The following GCNT1 variants were observed in gnomAD, a reference collection of about 807,000 sequenced individuals.
GCNT1 encodes glucosaminyl (N-acetyl) transferase 1, also known as beta-1,3-galactosyl-O-glycosyl-glycoprotein beta-1,6-N-acetylglucosaminyltransferase.
Under a neutral mutation model 26.2 loss-of-function variants are expected in GCNT1, and 16 were observed. That is an observed-to-expected ratio of 0.61 (90% CI 0.41 to 0.93). The LOEUF (loss-of-function observed/expected upper bound fraction) is 0.93. Ranked by LOEUF, GCNT1 falls within the 40% of genes least tolerant of loss-of-function variation. The pLI is 0.00. For synonymous variants in GCNT1, 183 were observed against 190.8 expected (o/e 0.96, Z 0.34); for missense variants, 477 against 526.7 (o/e 0.91, Z 0.92).
In GCNT1 at chr9:76,482,811, A is replaced by ATTT. The variant is rs56267257; in HGVS notation, c.-289-18088_-289-18086dup. On this transcript the variant is annotated intron_variant, in intron 2 of 3. Coordinates refer to ENST00000376730, the MANE Select transcript of GCNT1 (RefSeq NM_001490.5). The stretch of plus-strand genomic sequence containing the variant: ...AGGCATGCGCCACCACACCGGGCTA[A>ATTT]TTTTTTTTTTTTTTTTTTTGGTAGA... 1.7e-3 allele frequency among the ~76,000 whole-genome samples: 196 copies of ATTT among 115,856 alleles called. 2 individuals are homozygous for ATTT. Among genetic ancestry groups the ATTT allele is most frequent in the South Asian group, 2.1e-3 (7 of 3,344 alleles). The allele number at this position is 115,856 out of a possible 152,430, so 76.0% of individuals were successfully genotyped here.
intron 1 of GCNT1, among the ~76,000 whole-genome samples, chr9:76,434,356 C>T (rs1006305886): frequency 6.6e-6 from 1 of 152,034 alleles, no homozygotes; most frequent in Non-Finnish European, 1.5e-5. Context: ...TCAGGGACCC[C>T]GAATGGAGTG....
At chr9:76,475,900 C>T (rs1169676378) in intron 2 of GCNT1, among the ~76,000 whole-genome samples, 1 of 152,144 alleles carries the variant, frequency 6.6e-6, no homozygotes, top group Non-Finnish European at 1.5e-5. Context: ...GCTATGTCTT[C>T]ACTTCTGTTT....
the GCNT1 span, chr9:76,394,063 G>A: frequency 8.9e-6 from 14 of 1,568,386 alleles, no homozygotes; most frequent in African/African-American, 4.1e-5. Flanking sequence ...GACCCGGCCC[G>A]GGGGACTCTG....
chr9:76,497,380 G>A (rs182419713), intron 2 of GCNT1, among the ~76,000 whole-genome samples: 3 of 152,176 alleles, frequency 2.0e-5, no homozygotes, highest in East Asian at 1.9e-4. Flanking sequence ...TTAAGAAAAC[G>A]TTGTATGTCT....
chr9:76,479,010 C>A (rs907289362), intron 2 of GCNT1, among the ~76,000 whole-genome samples: 2 of 151,956 alleles, frequency 1.3e-5, no homozygotes, highest in East Asian at 3.9e-4. Flanking sequence ...ATCCCCCTTC[C>A]CCCCACCCCA....
chr9:76,472,754 T>C (rs1475180592), intron 2 of GCNT1, among the ~76,000 whole-genome samples: 2 of 142,280 alleles, frequency 1.4e-5, no homozygotes, highest in Admixed American at 7.4e-5. Context: ...CTTTTCTTTT[T>C]TTTTTTTTTT....
chr9:76,404,743 G>A, the GCNT1 span, among the ~76,000 whole-genome samples: 1 of 152,088 alleles, frequency 6.6e-6, no homozygotes, highest in Non-Finnish European at 1.5e-5. Flanking sequence ...TCTCAAATGA[G>A]CTCCTGGAAG....
At position 76,503,080 on chromosome 9, in the gene GCNT1, C is replaced by G. The variant is rs747081945; in HGVS notation, c.699C>G (p.Leu233=). 3 of 1,613,884 alleles carry G rather than the reference C, an allele frequency of 1.9e-6. No individual in the cohort carries two copies. Among genetic ancestry groups the G allele is most frequent in the Non-Finnish European group, 2.5e-6 (3 of 1,180,006 alleles). ...IKTNLEIVRK[L]KLLMGENNLE... ...CCAACCTAGAAATTGTCAGGAAGCT[C>G]AAGTTGTTAATGGGAGAAAACAACC... The change falls in exon 4 of 4, where the codon CTC becomes CTG. Residue 233 remains leucine (L), a synonymous_variant. Coordinates refer to ENST00000376730, the MANE Select transcript of GCNT1 (RefSeq NM_001490.5).
chr9:76,472,427 A>G (rs1372199064), intron 2 of GCNT1, among the ~76,000 whole-genome samples: 3 of 152,246 alleles, frequency 2.0e-5, no homozygotes, highest in Non-Finnish European at 4.4e-5. Context: ...GTGAAAGAAC[A>G]CATACCCACA....
intron 2 of GCNT1, among the ~76,000 whole-genome samples, chr9:76,472,734 CTTTTCTTTTCTTTTCTTT>C (rs1005807582): frequency 6.4e-5 from 6 of 93,878 alleles, no homozygotes; most frequent in South Asian, 3.1e-4. Flanking sequence ...CTTTTCTTTT[CTTTTCTTTTCTTTTCTTT>C]TTTTTTTTTT....
intron 2 of GCNT1, among the ~76,000 whole-genome samples, chr9:76,495,013 C>T (rs1005875197): frequency 5.9e-5 from 9 of 152,148 alleles, no homozygotes; most frequent in African/African-American, 1.4e-4. Flanking sequence ...ACCTGACACC[C>T]GTATCTTTAG....
At chr9:76,456,809 C>A (rs1170286026), upstream of GCNT1, among the ~76,000 whole-genome samples, 1 of 152,042 alleles carries the variant, frequency 6.6e-6, no homozygotes, top group East Asian at 1.9e-4. Flanking sequence ...CCTATCTCTA[C>A]AAAAAATACC....
chr9:76,451,657 A>G (rs80314359), intron 1 of GCNT1, among the ~76,000 whole-genome samples: 13,378 of 152,262 alleles, frequency 0.088, 700 homozygotes, highest in East Asian at 0.15. Flanking sequence ...CAAGCCAAGG[A>G]GAGAGGCCTC....
chr9:76,478,327 A>G (rs1245322744), intron 2 of GCNT1, among the ~76,000 whole-genome samples: 1 of 152,204 alleles, frequency 6.6e-6, no homozygotes, highest in Admixed American at 6.5e-5. Flanking sequence ...ACTGAGAGGA[A>G]CAAAGAACTC....
intron 2 of GCNT1, among the ~76,000 whole-genome samples, chr9:76,482,179 T>C (rs1256537986): frequency 6.6e-6 from 1 of 152,076 alleles, no homozygotes; most frequent in African/African-American, 2.4e-5. Context: ...AAGCCACCCA[T>C]GGCGAATTGC....
At chr9:76,496,940 A>G (rs1275298451) in intron 2 of GCNT1, among the ~76,000 whole-genome samples, 3 of 152,192 alleles carry the variant, frequency 2.0e-5, no homozygotes, top group Admixed American at 2.0e-4. Context: ...CTTCTTCAGG[A>G]CATGCCCCAG....
At chr9:76,445,328 G>GTT (rs1470326914) in intron 1 of GCNT1, among the ~76,000 whole-genome samples, 1 of 151,986 alleles carries the variant, frequency 6.6e-6, no homozygotes, top group African/African-American at 2.4e-5. Context: ...GAAAAGATGT[G>GTT]GTACCTTACA....
chr9:76,414,798 G>A, the GCNT1 span, among the ~76,000 whole-genome samples: 14 of 152,210 alleles, frequency 9.2e-5, no homozygotes, highest in East Asian at 7.7e-4. Flanking sequence ...TCTTGGTTTC[G>A]GTGAGTTTTG....
At chr9:76,405,288 A>AACACACACACACACACACACAC in the GCNT1 span, among the ~76,000 whole-genome samples, 2 of 149,642 alleles carry the variant, frequency 1.3e-5, no homozygotes, top group African/African-American at 4.9e-5. Flanking sequence ...CCTGACCTTC[A>AACACACACACACACACACACAC]ACACACACAC....
Sources: gnomAD v4.1 joint callset for allele counts (sites outside exome capture counted in the v4.1 genomes callset) on GRCh38, gnomAD v4.1.1 for gene constraint, MANE v1.5 for transcripts, NCBI Gene and HGNC (gene_info 2026-07-23, HGNC 2026-07-21) for gene names.